OPCML: variants seen among roughly 807,000 people sequenced by gnomAD.
OPCML encodes the protein opioid binding protein/cell adhesion molecule like.
OPCML carries 13 observed loss-of-function variants against 37.8 expected under a neutral mutation model. The ratio of observed to expected loss-of-function variants is 0.34; its 90% confidence interval spans 0.22 to 0.55. OPCML has a LOEUF of 0.55. Among genes scored for constraint, OPCML ranks in the 20% least tolerant of loss-of-function variants. The probability of loss-of-function intolerance (pLI) is 0.91; values close to 1 mark genes in which losing one functional copy is unlikely to be tolerated. For missense variants in OPCML, 341 were observed against 435.6 expected (o/e 0.78, Z 1.93); for synonymous variants, 176 against 168.8 (o/e 1.04, Z -0.33).
At chr11:133,042,002 C>A (rs757054330) in intron 1 of OPCML, among the ~76,000 whole-genome samples, 1 of 152,164 alleles carries the variant, frequency 6.6e-6, no homozygotes, top group Non-Finnish European at 1.5e-5. Context: ...CTTTCCATCC[C>A]CCTCATCGAA....
At chr11:132,795,431 AC>A (rs1351994739) in intron 2 of OPCML, among the ~76,000 whole-genome samples, 1 of 152,230 alleles carries the variant, frequency 6.6e-6, no homozygotes, top group African/African-American at 2.4e-5. Context: ...AGAAGTATAC[AC>A]CCATTGCCAC....
At chr11:132,736,220 A>T (rs1424189733) in intron 2 of OPCML, among the ~76,000 whole-genome samples, 1 of 152,018 alleles carries the variant, frequency 6.6e-6, no homozygotes, top group East Asian at 1.9e-4. Context: ...AGCAGGAAAA[A>T]CTGTCTCTTC....
At chr11:133,283,122 G>A (rs1942203591) in intron 1 of OPCML, among the ~76,000 whole-genome samples, 1 of 152,136 alleles carries the variant, frequency 6.6e-6, no homozygotes, top group Non-Finnish European at 1.5e-5. Flanking sequence ...TTTGCAATGT[G>A]AGAAGAACAT....
At chr11:133,112,657 T>A (rs371759530) in intron 1 of OPCML, among the ~76,000 whole-genome samples, 2 of 152,156 alleles carry the variant, frequency 1.3e-5, no homozygotes, top group South Asian at 4.2e-4. Flanking sequence ...AATGCTTTGA[T>A]AGGTGAATGT....
intron 2 of OPCML, among the ~76,000 whole-genome samples, chr11:132,843,088 C>T (rs201390975): frequency 0.021 from 1,098 of 51,512 alleles, 36 homozygotes; most frequent in African/African-American, 0.027. Context: ...GTTCCTTTTT[C>T]TTTCTTTTTT....
chr11:133,385,204 C>T (rs915745299), intron 1 of OPCML, among the ~76,000 whole-genome samples: 11 of 152,186 alleles, frequency 7.2e-5, no homozygotes, highest in African/African-American at 2.7e-4. Flanking sequence ...GGAGCTGTGG[C>T]TGATGGCCTG....
rs1384202815 is a variant in OPCML, at chr11:133,140,787, C to CGAA, written c.62-197780_62-197778dup. 2.5e-5 allele frequency among the ~76,000 whole-genome samples: 3 copies of CGAA among 118,858 alleles called. 1 individual carries two copies. Among genetic ancestry groups the CGAA allele is most frequent in the Non-Finnish European group, 5.0e-5 (3 of 59,732 alleles). The allele number at this position is 118,858 out of a possible 152,430, so 78.0% of individuals were successfully genotyped here. On this transcript the variant is annotated intron_variant, in intron 1 of 7. Transcript: ENST00000524381. ...ACGAAGAAGAAGAAGAAGAAGACGA[C>CGAA]GAAGAAGAAGAAGAAGAAGACGACG...
chr11:133,055,598 TACCGTACAATGCTGCCTCC>T (rs1948220503), intron 1 of OPCML, among the ~76,000 whole-genome samples: 15 of 150,568 alleles, frequency 1.0e-4, no homozygotes, highest in Admixed American at 3.3e-4. Flanking sequence ...GAGCCGCCTC[TACCGTACAATGCTGCCTCC>T]ATGATACTTC....
intron 1 of OPCML, among the ~76,000 whole-genome samples, chr11:133,331,046 A>G (rs759323246): frequency 6.6e-6 from 1 of 152,152 alleles, no homozygotes; most frequent in Non-Finnish European, 1.5e-5. Flanking sequence ...TTCCAATACA[A>G]TTGGTGTAGA....
chr11:132,996,660 T>C (rs1946894289), intron 1 of OPCML, among the ~76,000 whole-genome samples: 2 of 151,192 alleles, frequency 1.3e-5, no homozygotes, highest in African/African-American at 4.9e-5. Context: ...ACTTTCTATG[T>C]ATTTTTTTTT....
chr11:132,510,276 C>A (rs770779213), intron 4 of OPCML, among the ~76,000 whole-genome samples: 3 of 152,104 alleles, frequency 2.0e-5, no homozygotes, highest in Non-Finnish European at 2.9e-5. Flanking sequence ...ATTTTACAGG[C>A]TCATAGGTGG....
intron 1 of OPCML, among the ~76,000 whole-genome samples, chr11:133,323,312 C>T (rs1020874617): frequency 6.6e-6 from 1 of 152,204 alleles, no homozygotes; most frequent in African/African-American, 2.4e-5. Context: ...CACTTGTGTT[C>T]TGTTCAATTC....
intron 1 of OPCML, among the ~76,000 whole-genome samples, chr11:133,354,471 A>G (rs1944236729): frequency 6.6e-6 from 1 of 152,262 alleles, no homozygotes; most frequent in Admixed American, 6.5e-5. Flanking sequence ...CAGATTCAAT[A>G]CAGAGGCAGA....
intron 1 of OPCML, among the ~76,000 whole-genome samples, chr11:133,293,571 G>A (rs889298617): frequency 2.6e-5 from 4 of 152,098 alleles, no homozygotes; most frequent in Admixed American, 1.3e-4. Flanking sequence ...AGCCCTGCAC[G>A]TGCCACGGAG....
intron 1 of OPCML, chr11:133,005,995 G>A: frequency 1.0e-6 from 1 of 985,362 alleles, no homozygotes; most frequent in Non-Finnish European, 1.2e-6. Flanking sequence ...TCTTTTCCTT[G>A]CCCTTCTCTT....
At chr11:132,538,317 A>G (rs370665329) in intron 3 of OPCML, among the ~76,000 whole-genome samples, 15 of 152,214 alleles carry the variant, frequency 9.9e-5, no homozygotes, top group Admixed American at 7.2e-4. Flanking sequence ...AAGACCACAT[A>G]TTGTATGATT....
At chr11:133,454,700 A>C (rs1701282834) in intron 1 of OPCML, among the ~76,000 whole-genome samples, 1 of 152,252 alleles carries the variant, frequency 6.6e-6, no homozygotes, top group South Asian at 2.1e-4. Context: ...TATTCTGACT[A>C]TAAATATCAT....
In OPCML at chr11:132,415,579, G is replaced by C. The variant is rs989448859; in HGVS notation, c.*4614C>G. The C allele has an allele frequency of 6.6e-6, 1 of 152,152 alleles. No homozygotes were observed. The highest frequency in any genetic ancestry group is 1.5e-5 in the Non-Finnish European group (1 of 68,030). 9.4% of individuals were successfully genotyped at this position (152,152 alleles called of 1,614,324 possible). On this transcript the variant is annotated 3_prime_UTR_variant, in exon 8 of 8. Coordinates refer to ENST00000524381, the MANE Select transcript of OPCML (RefSeq NM_001012393.5). ...TTCGCAATCTTTCTTTCTCCACCCA[G>C]TGGTGTGGAGCAACTCTGTGCCTTA...
chr11:132,477,797 A>G (rs1337554135), intron 4 of OPCML, among the ~76,000 whole-genome samples: 1 of 152,240 alleles, frequency 6.6e-6, no homozygotes, highest in African/African-American at 2.4e-5. Context: ...CATTGACTTT[A>G]GGAAAGAGTA....
Sources: gnomAD v4.1 joint callset for allele counts (sites outside exome capture counted in the v4.1 genomes callset) on GRCh38, gnomAD v4.1.1 for gene constraint, MANE v1.5 for transcripts, NCBI Gene and HGNC (gene_info 2026-07-23, HGNC 2026-07-21) for gene names.